Variants in NPTN observed in about 807,000 individuals in gnomAD.
NPTN encodes the protein neuroplastin, also known as SDR-1.
In NPTN, 5 loss-of-function variants were observed where a neutral mutation model predicts 42.7. The ratio of observed to expected loss-of-function variants is 0.12; its 90% CI spans 0.06 to 0.25. The LOEUF (loss-of-function observed/expected upper bound fraction) is 0.25. Among genes scored for constraint, NPTN ranks in the 10% least tolerant of loss-of-function variants. The pLI, the probability that NPTN is intolerant of heterozygous loss-of-function variation, is 1.00. For missense variants in NPTN, 307 were observed against 525.4 expected (o/e 0.58, Z 4.06); for synonymous variants, 180 against 201.9 (o/e 0.89, Z 0.92).
intron 1 of NPTN, among the ~76,000 whole-genome samples, chr15:73,605,959 G>A (rs1470596795): frequency 6.6e-6 from 1 of 151,872 alleles, no homozygotes; most frequent in East Asian, 1.9e-4. Flanking sequence ...CTACTTGGGA[G>A]GCTGACGCAC....
intron 4 of NPTN, among the ~76,000 whole-genome samples, chr15:73,578,122 G>T (rs981381837): frequency 3.3e-5 from 5 of 152,070 alleles, no homozygotes; most frequent in Non-Finnish European, 7.4e-5. Context: ...AAGAGAGCAG[G>T]AAATAAAAGA....
At chr15:73,566,638 A>G (rs1895025587) in intron 6 of NPTN, among the ~76,000 whole-genome samples, 1 of 152,228 alleles carries the variant, frequency 6.6e-6, no homozygotes. Context: ...CCTGGAGTGC[A>G]GTCCGCAGGA....
intron 2 of NPTN, among the ~76,000 whole-genome samples, chr15:73,596,779 A>G (rs1471418897): frequency 6.6e-6 from 1 of 152,174 alleles, no homozygotes; most frequent in African/African-American, 2.4e-5. Flanking sequence ...TCCTGAGAAG[A>G]AAGACACAGA....
intron 1 of NPTN, among the ~76,000 whole-genome samples, chr15:73,604,121 T>C (rs1897186486): frequency 1.3e-5 from 2 of 151,886 alleles, no homozygotes; most frequent in South Asian, 4.2e-4. Flanking sequence ...TCTACCTAGA[T>C]CTACAGGTTT....
intron 1 of NPTN, among the ~76,000 whole-genome samples, chr15:73,607,891 A>T (rs1566982229): frequency 6.6e-6 from 1 of 152,142 alleles, no homozygotes; most frequent in Non-Finnish European, 1.5e-5. Flanking sequence ...CTGCTGCTCC[A>T]GGGACCATAC....
At chr15:73,609,691 G>A (rs1454706030) in intron 1 of NPTN, among the ~76,000 whole-genome samples, 1 of 152,066 alleles carries the variant, frequency 6.6e-6, no homozygotes. Context: ...GAGAAAAACA[G>A]TATCCATATG....
At chr15:73,580,429 TATA>T (rs1895942622) in intron 4 of NPTN, among the ~76,000 whole-genome samples, 1 of 97,516 alleles carries the variant, frequency 1.0e-5, no homozygotes, top group Non-Finnish European at 2.2e-5. Flanking sequence ...ATAATATATA[TATA>T]ATATATATAA....
chr15:73,561,839 TAG>T (rs959440685), intron 8 of NPTN, 55 bp downstream of exon 8: 2 of 1,248,872 alleles, frequency 1.6e-6, no homozygotes, highest in African/African-American at 3.0e-5. Context: ...ACAAGGTCAA[TAG>T]AGGCACATTC....
rs753585895 is a variant in NPTN, at chr15:73,561,953, T to C, written c.1154A>G (p.Asn385Ser). The C allele has an allele frequency of 3.1e-6, 5 of 1,591,880 alleles. No individual in the cohort carries two copies. The highest frequency in any genetic ancestry group is 4.3e-6 in the Non-Finnish European group (5 of 1,174,196). ...GCGCAAGTTTTTATCTTTGTGATTG[T>C]TGGTAGAGTTGGTTTTCCTTTGGAG... The part of the protein sequence containing the change: ...PAGPMKTNST[N>S]NHKDKNLRQR... The change falls in exon 8 of 9, where the codon AAC (asparagine) becomes AGC (serine). Residue 385 changes from asparagine (N) to serine (S), a missense_variant. This residue lies in a region of NPTN where 264 missense variants were observed against 491.1 expected (regional missense o/e 0.54). Coordinates refer to ENST00000345330, the MANE Select transcript of NPTN (RefSeq NM_012428.4).
chr15:73,594,367 G>C (rs1896735592), intron 2 of NPTN, among the ~76,000 whole-genome samples: 1 of 152,224 alleles, frequency 6.6e-6, no homozygotes, highest in East Asian at 1.9e-4. Context: ...CAACCTGGTA[G>C]ACTTTCTGCC....
chr15:73,577,818 GCT>G (rs1348146990), intron 4 of NPTN, among the ~76,000 whole-genome samples: 1 of 152,032 alleles, frequency 6.6e-6, no homozygotes, highest in East Asian at 1.9e-4. Flanking sequence ...CAAGAAGTCA[GCT>G]CTGACTCCCT....
intron 6 of NPTN, chr15:73,566,987 A>T (rs1046347792): frequency 1.0e-6 from 1 of 965,678 alleles, no homozygotes; most frequent in Admixed American, 7.0e-5. Context: ...GTAGGTAAAG[A>T]AAAAAGACAT....
chr15:73,589,791 C>T (rs1283058734), intron 3 of NPTN, among the ~76,000 whole-genome samples: 2 of 128,806 alleles, frequency 1.6e-5, no homozygotes, highest in African/African-American at 2.9e-5. Flanking sequence ...ATCCACATGG[C>T]GGCACAATAT....
intron 4 of NPTN, among the ~76,000 whole-genome samples, chr15:73,582,283 A>G (rs1896088077): frequency 6.6e-6 from 1 of 152,226 alleles, no homozygotes; most frequent in African/African-American, 2.4e-5. Context: ...TCCTTCATGC[A>G]ACCTATCAAA....
rs1429613878 is a variant in NPTN, at chr15:73,622,505, A to G, written c.91+10620T>C. 3.3e-5 allele frequency among the ~76,000 whole-genome samples: 5 copies of G among 151,702 alleles called. No individual in the cohort carries two copies. The East Asian group carries it at 9.6e-4, about 29-fold the overall frequency. On this transcript the variant is annotated intron_variant, in intron 1 of 8. Coordinates refer to ENST00000345330, the MANE Select transcript of NPTN (RefSeq NM_012428.4). ...AGAAGAGGGAGAATTGTTTTAAAAA[A>G]AAAAAAAAAAAGCCTGACGCCCTCA...
intron 1 of NPTN, among the ~76,000 whole-genome samples, chr15:73,627,793 A>G (rs1260516403): frequency 1.3e-5 from 2 of 152,248 alleles, no homozygotes; most frequent in Non-Finnish European, 2.9e-5. Context: ...CTTAAAAAGC[A>G]GATATATTTT....
At chr15:73,580,490 TATAC>T (rs913419015) in intron 4 of NPTN, among the ~76,000 whole-genome samples, 7 of 134,720 alleles carry the variant, frequency 5.2e-5, no homozygotes, top group Non-Finnish European at 1.1e-4. Context: ...TAAATATATA[TATAC>T]ATAAATATAT....
At chr15:73,579,625 G>C (rs1259728198) in intron 4 of NPTN, among the ~76,000 whole-genome samples, 1 of 152,096 alleles carries the variant, frequency 6.6e-6, no homozygotes, top group African/African-American at 2.4e-5. Flanking sequence ...GATTGGGAAG[G>C]GGGCTAGGAA....
chr15:73,620,503 C>A (rs1369929764), intron 1 of NPTN, among the ~76,000 whole-genome samples: 1 of 152,120 alleles, frequency 6.6e-6, no homozygotes, highest in African/African-American at 2.4e-5. Context: ...TGGGCAGGCA[C>A]CAAGGATTTG....
Sources: allele counts gnomAD v4.1 joint callset (sites outside exome capture counted in the v4.1 genomes callset), GRCh38; gene constraint gnomAD v4.1.1; regional missense constraint gnomAD v4.1.1; transcripts MANE v1.5; gene names NCBI Gene and HGNC (gene_info 2026-07-23, HGNC 2026-07-21).